Variants in FAM83A observed in about 807,000 individuals in gnomAD.
FAM83A encodes the protein protein FAM83A.
A neutral mutation model predicts 24.4 loss-of-function variants in FAM83A; 21 were observed. The ratio of observed to expected loss-of-function variants is 0.86; its 90% confidence interval spans 0.61 to 1.24. The LOEUF (loss-of-function observed/expected upper bound fraction) is 1.24. Ranked by LOEUF, FAM83A falls within the 50% of genes most tolerant of loss-of-function variation. The pLI, the probability that FAM83A is intolerant of heterozygous loss-of-function variation, is 0.00. For synonymous variants in FAM83A, 270 were observed against 252.4 expected, an observed-to-expected ratio of 1.07 and a Z score of -0.66; for missense variants, 617 against 579.8, an observed-to-expected ratio of 1.06 and a Z score of -0.66.
chr8:123,183,469 T>C, intron 1 of FAM83A, 133 bp downstream of exon 1: 1 of 1,368,658 alleles, frequency 7.3e-7, no homozygotes, highest in Non-Finnish European at 9.7e-7. Context: ...GGAGGGGCTT[T>C]GCTGTCCGCC....
chr8:123,200,530 A>G (rs1403574305), intron 3 of FAM83A, among the ~76,000 whole-genome samples: 3 of 152,174 alleles, frequency 2.0e-5, no homozygotes, highest in Admixed American at 6.5e-5. Flanking sequence ...CAGAACTTTA[A>G]TAAGGGCCAG....
At chr8:123,207,456 C>G (rs1824596900) in exon 4 of FAM83A, 4 of 1,595,954 alleles carry the variant, frequency 2.5e-6, no homozygotes, top group Non-Finnish European at 3.4e-6. Flanking sequence ...CCCTGTAGCC[C>G]CGCGGCCCCA....
At chr8:123,197,510 A>T (rs190044496) in intron 3 of FAM83A, among the ~76,000 whole-genome samples, 15 of 152,126 alleles carry the variant, frequency 9.9e-5, no homozygotes, top group Non-Finnish European at 1.5e-4. Context: ...CTCCCTTTTC[A>T]TGGCTGAGCA....
At chr8:123,206,613 CCT>C (rs1824558518) in intron 3 of FAM83A, among the ~76,000 whole-genome samples, 1 of 152,184 alleles carries the variant, frequency 6.6e-6, no homozygotes, top group Non-Finnish European at 1.5e-5. Context: ...CCTCAGGGAG[CCT>C]CTAAGGGGCT....
In FAM83A at chr8:123,209,698, T is replaced by C; in HGVS notation, c.*2010T>C. The C allele has an allele frequency of 3.6e-6, 3 of 826,882 alleles. No individual in the cohort carries two copies. The highest frequency in any genetic ancestry group is 1.6e-5 in the South Asian group (1 of 61,072). The allele number at this position is 826,882 out of a possible 1,614,324, so 51.2% of individuals were successfully genotyped here. On this transcript the variant is annotated 3_prime_UTR_variant, in exon 4 of 4. Transcript: ENST00000690554. This position sits in a 1 kb window ranked among gnomAD's most constrained non-coding sequence, Gnocchi z 4.7. ...CTGTGTCGAGCTCAGTCCTGGGAGA[T>C]AGGGGAGAACCTGCAGGCAGGAACA...
intron 1 of FAM83A, 30 bp downstream of exon 1, chr8:123,183,366 G>A (rs1372202638): frequency 5.0e-6 from 8 of 1,590,328 alleles, no homozygotes; most frequent in South Asian, 1.1e-5. Context: ...TGTCTCCGTG[G>A]CCAAGTAGCA....
chr8:123,201,470 G>A (rs1824354417), intron 3 of FAM83A: 1 of 152,232 alleles, frequency 6.6e-6, no homozygotes, highest in African/African-American at 2.4e-5. Flanking sequence ...GGGAGAACAG[G>A]ACACCAACAG....
chr8:123,200,603 G>A (rs1650373521), intron 3 of FAM83A, among the ~76,000 whole-genome samples: 1 of 152,034 alleles, frequency 6.6e-6, no homozygotes, highest in African/African-American at 2.4e-5. Context: ...GGTCACTTGA[G>A]GTCAGGAGTT....
At chr8:123,202,375 A>G (rs1824391815) in intron 3 of FAM83A, 1 of 152,860 alleles carries the variant, frequency 6.5e-6, no homozygotes, top group Non-Finnish European at 1.5e-5. Flanking sequence ...CTTACTCTTT[A>G]TCTTGTAGGT....
At chr8:123,179,754 T>G (rs1446201023), upstream of FAM83A, 1 of 152,208 alleles carries the variant, frequency 6.6e-6, no homozygotes, top group East Asian at 1.9e-4. Flanking sequence ...TTTTTTGTTT[T>G]GTTTTAAAGA....
upstream of FAM83A, chr8:123,180,825 T>C (rs1654069891): frequency 6.6e-6 from 1 of 151,590 alleles, no homozygotes; most frequent in African/African-American, 2.4e-5. Context: ...CCAGGGATTG[T>C]AGGGAGGAGA....
chr8:123,191,954 C>CT lies in FAM83A; in HGVS notation c.633dup (p.Asp212Ter). On this transcript the variant is annotated frameshift_variant, in exon 2 of 4. Coordinates refer to ENST00000690554, the Ensembl canonical transcript of FAM83A. LOFTEE classifies it high-confidence loss of function. ...GAGATGTGTGACAAAGTCCAGATCTCTGACAGTCACCTCAAGGTAGGGGCC... is the reference window on the plus strand; with the variant it reads ...GAGATGTGTGACAAAGTCCAGATCTCTTGACAGTCACCTCAAGGTAGGGGCC... 6.2e-7 allele frequency: 1 copy of CT among 1,614,104 alleles called. No individual in the cohort carries two copies. The highest frequency in any genetic ancestry group is 8.5e-7 in the Non-Finnish European group (1 of 1,180,000).
exon 1 of FAM83A, chr8:123,182,758 T>C (rs1823638759): frequency 1.4e-6 from 2 of 1,479,638 alleles, no homozygotes; most frequent in East Asian, 2.5e-5. Flanking sequence ...CTCCCGGGGG[T>C]GCGGGAGCCC....
At chr8:123,181,185 G>A (rs1184544554), upstream of FAM83A, among the ~76,000 whole-genome samples, 2 of 152,158 alleles carry the variant, frequency 1.3e-5, no homozygotes, top group African/African-American at 4.8e-5. Flanking sequence ...GACCTCAAGT[G>A]ATCCACCTGC....
At chr8:123,198,442 A>T (rs1035650658) in intron 3 of FAM83A, among the ~76,000 whole-genome samples, 1 of 151,870 alleles carries the variant, frequency 6.6e-6, no homozygotes, top group African/African-American at 2.4e-5. Context: ...ATGAAAACTG[A>T]TGAAGGAGCT....
At position 123,182,994 on chromosome 8, in the gene FAM83A, T is replaced by TCTGAAGCCCA; in HGVS notation, c.138_139insCTGAAGCCCA (p.Ser47LeufsTer5). 1 of 1,611,740 alleles carries TCTGAAGCCCA rather than the reference T, an allele frequency of 6.2e-7. No individual in the cohort carries two copies. The highest frequency in any genetic ancestry group is 8.5e-7 in the Non-Finnish European group (1 of 1,178,648). ...CCACGGACGCCCTCTTGGATGGGGG[T>TCTGAAGCCCA]TCTGAAGCCTACTGGCGGGTGCTCA... On this transcript the variant is annotated frameshift_variant, in exon 1 of 4. Transcript: ENST00000690554. LOFTEE classifies it high-confidence loss of function.
At chr8:123,200,291 C>G (rs1259438532) in intron 3 of FAM83A, among the ~76,000 whole-genome samples, 1 of 152,074 alleles carries the variant, frequency 6.6e-6, no homozygotes, top group South Asian at 2.1e-4. Context: ...TCCAGAACAC[C>G]GGAGGATGGA....
At chr8:123,190,188 GAAGAAAAGA>G (rs1473680237) in intron 1 of FAM83A, among the ~76,000 whole-genome samples, 17 of 150,302 alleles carry the variant, frequency 1.1e-4, no homozygotes, top group East Asian at 7.8e-4. Context: ...AGAGAGAGAG[GAAGAAAAGA>G]AAGAAAAGAA....
At chr8:123,181,884 C>A, upstream of FAM83A, 2 of 361,316 alleles carry the variant, frequency 5.5e-6, no homozygotes, top group Admixed American at 3.3e-5. Flanking sequence ...GAGCCTGTTT[C>A]CAGCAGAGCC....
Sources: gnomAD v4.1 joint callset for allele counts (sites outside exome capture counted in the v4.1 genomes callset) on GRCh38, gnomAD v4.1.1 for gene constraint, Gnocchi (gnomAD v3.1) non-coding constraint, MANE v1.5 for transcripts, NCBI Gene and HGNC (gene_info 2026-07-23, HGNC 2026-07-21) for gene names.